Variants in GRID2 observed in about 807,000 individuals in gnomAD.
GRID2 encodes glutamate ionotropic receptor delta type subunit 2.
In GRID2, 33 loss-of-function variants were observed where a neutral mutation model predicts 114.8. The ratio of observed to expected loss-of-function variants is 0.29; its 90% CI spans 0.22 to 0.38. The LOEUF (loss-of-function observed/expected upper bound fraction) is 0.38. Ranked by LOEUF, GRID2 falls within the 10% of genes least tolerant of loss-of-function variation. The probability of loss-of-function intolerance (pLI) is 1.00; values close to 1 mark genes in which losing one functional copy is unlikely to be tolerated. For missense variants in GRID2, 1,184 were observed against 1,257.7 expected (o/e 0.94, Z 0.89); for synonymous variants, 505 against 449.9 (o/e 1.12, Z -1.55).
intron 2 of GRID2, among the ~76,000 whole-genome samples, chr4:93,006,746 C>G (rs1164545532): frequency 1.3e-5 from 2 of 151,636 alleles, no homozygotes; most frequent in African/African-American, 2.4e-5. Context: ...CTCTGACCTT[C>G]CACCGGTGGT....
intron 1 of GRID2, among the ~76,000 whole-genome samples, chr4:92,368,547 C>A (rs959415549): frequency 6.6e-6 from 1 of 151,996 alleles, no homozygotes; most frequent in African/African-American, 2.4e-5. Flanking sequence ...TTGCTTACAG[C>A]TTAGTTTTAT....
At chr4:93,253,042 G>T (rs1429710551) in intron 8 of GRID2, among the ~76,000 whole-genome samples, 1 of 151,358 alleles carries the variant, frequency 6.6e-6, no homozygotes, top group Non-Finnish European at 1.5e-5. Flanking sequence ...GAGGTCAGGA[G>T]ATCGAGACCA....
chr4:93,634,848 A>C (rs182501967), intron 14 of GRID2, among the ~76,000 whole-genome samples: 9 of 152,300 alleles, frequency 5.9e-5, no homozygotes, highest in African/African-American at 1.9e-4. Context: ...AAAGAAGTGC[A>C]TAAAATCCAG....
intron 14 of GRID2, among the ~76,000 whole-genome samples, chr4:93,726,459 G>A (rs948281445): frequency 2.6e-5 from 4 of 152,188 alleles, no homozygotes; most frequent in African/African-American, 9.7e-5. Context: ...GATTGACTTG[G>A]CAATGCAGGC....
chr4:93,726,556 A>G (rs955251474), intron 14 of GRID2, among the ~76,000 whole-genome samples: 2 of 152,158 alleles, frequency 1.3e-5, no homozygotes, highest in African/African-American at 4.8e-5. Context: ...ATAGCATTGA[A>G]TCTATAAATT....
chr4:92,874,304 G>C (rs1396346574), intron 2 of GRID2, among the ~76,000 whole-genome samples: 2 of 152,232 alleles, frequency 1.3e-5, no homozygotes, highest in East Asian at 3.9e-4. Context: ...ATAGGACTGA[G>C]TATTTTGCAT....
intron 8 of GRID2, among the ~76,000 whole-genome samples, chr4:93,238,955 T>G (rs1395152847): frequency 6.6e-6 from 1 of 151,118 alleles, no homozygotes; most frequent in Non-Finnish European, 1.5e-5. Context: ...AGAAAATAGT[T>G]TGCAGAAAAT....
rs1737563817 is a variant in GRID2 at position 92,753,654 on chromosome 4, G to A, written c.244+163368G>A. Among the ~76,000 whole-genome samples, 4 of 152,276 alleles carry A rather than the reference G, an allele frequency of 2.6e-5. 1 individual carries two copies. The Middle Eastern group carries it at 0.014, about 518-fold the overall frequency. On this transcript the variant is annotated intron_variant, in intron 2 of 15. Transcript: ENST00000282020. The stretch of plus-strand genomic sequence containing the variant: ...TTCTATACTTCAAAACTGATGGGAT[G>A]AACATGTGTAAGACTTGGAGATGGC...
intron 9 of GRID2, among the ~76,000 whole-genome samples, chr4:93,401,714 A>C (rs961162047): frequency 1.3e-5 from 2 of 152,142 alleles, no homozygotes; most frequent in African/African-American, 4.8e-5. Flanking sequence ...TATACACAGA[A>C]ATAGGAAATA....
At chr4:92,415,295 A>G (rs1361225582) in intron 1 of GRID2, among the ~76,000 whole-genome samples, 3 of 152,032 alleles carry the variant, frequency 2.0e-5, no homozygotes, top group African/African-American at 4.8e-5. Context: ...TACAACAAAT[A>G]TAGATTTTTA....
intron 14 of GRID2, among the ~76,000 whole-genome samples, chr4:93,747,241 A>T (rs1259248862): frequency 5.3e-5 from 8 of 152,110 alleles, no homozygotes; most frequent in Non-Finnish European, 1.2e-4. Context: ...GCTTAGTTCA[A>T]CTGTGAAGGC....
intron 8 of GRID2, among the ~76,000 whole-genome samples, chr4:93,318,277 A>G: frequency 6.6e-6 from 1 of 151,780 alleles, no homozygotes; most frequent in East Asian, 1.9e-4. Flanking sequence ...ATATAATAAT[A>G]ATGAACATAA....
chr4:93,684,101 C>G (rs187194088), intron 14 of GRID2, among the ~76,000 whole-genome samples: 197 of 152,260 alleles, frequency 1.3e-3, no homozygotes, highest in Admixed American at 4.3e-3. Context: ...TATTCATACA[C>G]ACTCCAGAAT....
chr4:92,835,492 G>A (rs539002745), intron 2 of GRID2, among the ~76,000 whole-genome samples: 7 of 152,224 alleles, frequency 4.6e-5, no homozygotes, highest in Non-Finnish European at 1.0e-4. Flanking sequence ...TAATGCTTAT[G>A]CTGTTTCTCA....
Position 93,422,871 on chromosome 4 carries a change from G to A in GRID2, c.1448G>A (p.Gly483Asp), listed in dbSNP as rs1465217938. The A allele has an allele frequency of 1.2e-6, 2 of 1,613,532 alleles. No individual in the cohort carries two copies. Among genetic ancestry groups the A allele is most frequent in the Non-Finnish European group, 1.7e-6 (2 of 1,179,518 alleles). Residue 483 changes from glycine (G) to aspartate (D), a missense_variant, in exon 10 of 16, where the codon GGT becomes GAT. Gly to Asp is a moderately conservative substitution (Grantham distance 94). This residue lies in a region of GRID2 where 717 missense variants were observed against 796.9 expected (regional missense o/e 0.90). Coordinates refer to ENST00000282020, the MANE Select transcript of GRID2 (RefSeq NM_001510.4). ...TTGGATGCCTTATCTAACTACCTGG[G>A]TTTTAACTACGAAATTTACGTAGCA... The part of the protein sequence containing the change: ...DVLDALSNYL[G>D]FNYEIYVAPD...
At chr4:92,640,828 AAAAAC>A (rs1315981096) in intron 2 of GRID2, among the ~76,000 whole-genome samples, 1 of 151,902 alleles carries the variant, frequency 6.6e-6, no homozygotes, top group Non-Finnish European at 1.5e-5. Flanking sequence ...ATAAAATAAA[AAAAAC>A]AAAAAGTATA....
At chr4:93,743,499 G>A (rs759116958) in intron 14 of GRID2, among the ~76,000 whole-genome samples, 12 of 152,098 alleles carry the variant, frequency 7.9e-5, no homozygotes, top group Non-Finnish European at 1.8e-4. Flanking sequence ...AGGTTTTTTG[G>A]TTCATGATTC....
intron 7 of GRID2, among the ~76,000 whole-genome samples, chr4:93,226,418 A>C (rs1745490938): frequency 6.6e-6 from 1 of 152,194 alleles, no homozygotes; most frequent in Admixed American, 6.5e-5. Flanking sequence ...AAAGAACAAT[A>C]ACTGGTCCTA....
chr4:92,965,747 C>T (rs569711899), intron 2 of GRID2, among the ~76,000 whole-genome samples: 1 of 151,886 alleles, frequency 6.6e-6, no homozygotes, highest in East Asian at 1.9e-4. Context: ...GACAGAAGAG[C>T]ATATTTTCTT....
Sources: gnomAD v4.1 joint callset for allele counts (sites outside exome capture counted in the v4.1 genomes callset) on GRCh38, gnomAD v4.1.1 for gene constraint, gnomAD v4.1.1 regional missense constraint, MANE v1.5 for transcripts, NCBI Gene and HGNC (gene_info 2026-07-23, HGNC 2026-07-21) for gene names.